Variants in REN observed in about 807,000 individuals in gnomAD.
REN encodes the protein angiotensin-forming enzyme.
In REN, 42 loss-of-function variants were observed where a neutral mutation model predicts 48.6. The observed-to-expected ratio is 0.86, with a 90% CI of 0.68 to 1.12. The LOEUF (loss-of-function observed/expected upper bound fraction) is 1.12. REN is among the 50% of genes most tolerant of loss of function. REN has a pLI of 0.00. For missense variants in REN, 443 were observed against 527.3 expected (o/e 0.84, Z 1.57); for synonymous variants, 196 against 204.6 (o/e 0.96, Z 0.36).
rs755165085 is a variant in REN, at chr1:204,160,608, G to A, written c.444C>T (p.Arg148=). 79 of 1,614,208 alleles carry A rather than the reference G, an allele frequency of 4.9e-5. No individual in the cohort carries two copies. The South Asian group carries it at 6.6e-4, about 13-fold the overall frequency. ...YKHNGTELTL[R]YSTGTVSGFL... ...AGCCACTGACTGTCCCTGTTGAATA[G>A]CGGAGGGTGAGTTCTGTTCCATTGT... Residue 148 remains arginine, a synonymous_variant, in exon 4 of 10, where the codon CGC becomes CGT. Coordinates refer to ENST00000272190, the MANE Select transcript of REN (RefSeq NM_000537.4).
intron 1 of REN, among the ~76,000 whole-genome samples, chr1:204,165,778 G>C (rs1658337252): frequency 6.6e-6 from 1 of 152,102 alleles, no homozygotes; most frequent in East Asian, 1.9e-4. Context: ...TTTTAGTAGA[G>C]ATGGGGTTTC....
intron 1 of REN, among the ~76,000 whole-genome samples, chr1:204,163,934 C>A (rs922599625): frequency 6.6e-6 from 1 of 152,180 alleles, no homozygotes; most frequent in Non-Finnish European, 1.5e-5. Context: ...AACCATGCGA[C>A]CACTGCTCAA....
rs5707 is a variant in REN at position 204,160,543 on chromosome 1, A to C, written c.492+17T>G. On this transcript the variant is annotated intron_variant, in intron 4 of 9. Coordinates refer to ENST00000272190, the MANE Select transcript of REN (RefSeq NM_000537.4). The stretch of plus-strand genomic sequence containing the variant: ...AGAAGGGGTCCGGGGCAGATGACCT[A>C]GGGCGGCCCAACTTACGGTGATGAT... The C allele has an allele frequency of 0.24, 374,241 of 1,564,664 alleles. 46,173 individuals carry two copies. The highest frequency in any genetic ancestry group is 0.42 in the East Asian group (18,613 of 44,630).
chr1:204,155,109 T>C lies in REN; in HGVS notation c.1128A>G (p.Gly376=), dbSNP rs1386717860. 5 of 1,614,152 alleles carry C rather than the reference T, an allele frequency of 3.1e-6. No homozygotes were observed. In the Admixed American group the frequency reaches 8.3e-5, roughly 27 times the overall value. ...AGGTGGCCCCCAGGGCCCAGGTGGG[T>C]CCAGTGGGTGGCGGGATATCCATGG... ...IHAMDIPPPT[G]PTWALGATFI... is the part of the protein sequence containing the mutation. Residue 376 remains glycine, a synonymous_variant, in exon 10 of 10, where the codon GGA becomes GGG. Coordinates refer to ENST00000272190, the MANE Select transcript of REN (RefSeq NM_000537.4).
In REN at chr1:204,156,174, T is replaced by C. The variant is rs1658145475; in HGVS notation, c.960+4A>G. 1.9e-6 allele frequency: 3 copies of C among 1,614,222 alleles called. No individual in the cohort carries two copies. The highest frequency in any genetic ancestry group is 2.5e-6 in the Non-Finnish European group (3 of 1,180,036). ...CACAGCACCTTCCCTCTTTGGCTTC[T>C]TACATCAAACAGCCTCTTCTTGGCT... On this transcript the variant is annotated splice_donor_region_variant and intron_variant, in intron 8 of 9. Coordinates refer to ENST00000272190, the MANE Select transcript of REN (RefSeq NM_000537.4). The surrounding 1 kb of genome is among the most constrained non-coding windows in gnomAD (Gnocchi z 4.2).
At chr1:204,159,363 T>TC (rs746808683) in intron 5 of REN, 36 bp downstream of exon 5, 2 of 1,587,996 alleles carry the variant, frequency 1.3e-6, no homozygotes, top group Non-Finnish European at 1.7e-6. Flanking sequence ...TCCCCTCCTG[T>TC]CCCCCCACCT....
At position 204,154,857 on chromosome 1, in the gene REN, A is replaced by G; in HGVS notation, c.*159T>C. On this transcript the variant is annotated 3_prime_UTR_variant, in exon 10 of 10. Transcript: ENST00000272190. ...TCTTTATTCTCTTTGTCCTCAAAGC[A>G]GGGAAGGGCTGGTGCAGGGGTCAGG... is the stretch of plus-strand genomic sequence containing the variant. 1.3e-6 allele frequency: 1 copy of G among 773,738 alleles called. No individual in the cohort carries two copies. The highest frequency in any genetic ancestry group is 2.7e-5 in the East Asian group (1 of 37,318). The allele number at this position is 773,738 out of a possible 1,614,324, so 47.9% of individuals were successfully genotyped here. A position where few individuals can be genotyped will look rare whatever the true frequency, so the allele number is the denominator to read the frequency against.
intron 3 of REN, among the ~76,000 whole-genome samples, chr1:204,160,960 T>C (rs2102313779): frequency 6.6e-6 from 1 of 152,240 alleles, no homozygotes; most frequent in Admixed American, 6.5e-5. Flanking sequence ...AAGTGCCTAG[T>C]AAGAGGTTGT....
At position 204,164,565 on chromosome 1, in the gene REN, C is replaced by CTTTTTTTTTT. The variant is rs748060874; in HGVS notation, c.98+1621_98+1630dup. Among the ~76,000 whole-genome samples, 28 of 93,690 alleles carry CTTTTTTTTTT rather than the reference C, an allele frequency of 3.0e-4. 3 individuals are homozygous for CTTTTTTTTTT. Among genetic ancestry groups the CTTTTTTTTTT allele is most frequent in the East Asian group, 7.6e-4 (2 of 2,642 alleles). 61.5% of individuals were successfully genotyped at this position (93,690 alleles called of 152,430 possible). A position where few individuals can be genotyped will look rare whatever the true frequency, so the allele number is the denominator to read the frequency against. On this transcript the variant is annotated intron_variant, in intron 1 of 9. Coordinates refer to ENST00000272190, the MANE Select transcript of REN (RefSeq NM_000537.4). ...ATGCTGTCTCTTCCCCTTCTTCAGT[C>CTTTTTTTTTT]TTTTTTTTTTTTTTTTTTTTTTTTA...
In REN at chr1:204,156,732, T is replaced by C; in HGVS notation, c.763A>G (p.Asn255Asp). The part of the protein sequence containing the change: ...GGSDPQHYEG[N>D]FHYINLIKTG... ...TTGATGAGGTTGATATAGTGGAAAT[T>C]CCCTTCGTAATGCTGGGGGTCGCTG... is the stretch of plus-strand genomic sequence containing the variant. The change falls in exon 7 of 10, where the codon AAT (asparagine) becomes GAT (aspartate). Residue 255 changes from asparagine (N) to aspartate (D), a missense_variant. Transcript: ENST00000272190. The surrounding 1 kb of genome is among the most constrained non-coding windows in gnomAD (Gnocchi z 4.2). The C allele has an allele frequency of 1.2e-6, 2 of 1,614,058 alleles. No individual in the cohort carries two copies. Among genetic ancestry groups the C allele is most frequent in the Non-Finnish European group, 1.7e-6 (2 of 1,179,988 alleles).
intron 3 of REN, 142 bp from the exon 4 acceptor site, chr1:204,160,820 T>TAA: frequency 1.3e-6 from 1 of 766,726 alleles, no homozygotes; most frequent in Non-Finnish European, 2.4e-6. Context: ...GAATATGTGC[T>TAA]TCATCAATCA....
intron 9 of REN, 90 bp from the exon 10 acceptor site, chr1:204,155,267 A>T (rs936532838): frequency 3.9e-5 from 57 of 1,465,404 alleles, no homozygotes; most frequent in Admixed American, 6.8e-5. Context: ...CTTCAGCAAC[A>T]TTCCCCCTCT....
Position 204,156,584 on chromosome 1 carries a change from A to G in REN, c.818+93T>C. 3 of 1,546,320 alleles carry G rather than the reference A, an allele frequency of 1.9e-6. No homozygotes were observed. The highest frequency in any genetic ancestry group is 2.7e-6 in the Non-Finnish European group (3 of 1,120,232). ...TTAAGAAGTGGCTGCATTTGGAAAG[A>G]GGGCAGGATGGTAATGCAGTCCTTC... On this transcript the variant is annotated intron_variant, in intron 7 of 9. Transcript: ENST00000272190. The surrounding 1 kb of genome is among the most constrained non-coding windows in gnomAD (Gnocchi z 4.2).
At position 204,155,913 on chromosome 1, in the gene REN, G is replaced by A. The variant is rs769895389; in HGVS notation, c.966C>T (p.Val322=). 4.5e-5 allele frequency: 72 copies of A among 1,612,908 alleles called. No homozygotes were observed. The Admixed American group carries it at 8.0e-4, about 18-fold the overall frequency. Residue 322 remains valine, a synonymous_variant, in exon 9 of 10, where the codon GTC becomes GTT. Coordinates refer to ENST00000272190, the MANE Select transcript of REN (RefSeq NM_000537.4). ...LGAKKRLFDY[V]VKCNEGPTLP... ...GTGTAGGGCCCTCGTTACACTTCACGACATACTGGGGTGGGGGGCAAAGAG... is the reference window on the plus strand; with the variant it reads ...GTGTAGGGCCCTCGTTACACTTCACAACATACTGGGGTGGGGGGCAAAGAG...
rs1297797028 is a variant in REN at position 204,155,829 on chromosome 1, A to G, written c.1050T>C (p.Tyr350=). The G allele has an allele frequency of 2.2e-5, 36 of 1,613,566 alleles. No individual in the cohort carries two copies. Among genetic ancestry groups the G allele is most frequent in the Non-Finnish European group, 3.1e-5 (36 of 1,179,816 alleles). The change falls in exon 9 of 10, where the codon TAT becomes TAC. Residue 350 remains tyrosine (Y), a synonymous_variant. Coordinates refer to ENST00000272190, the MANE Select transcript of REN (RefSeq NM_000537.4). The part of the protein sequence containing the change: ...GKEYTLTSAD[Y]VFQESYSSKK... The stretch of plus-strand genomic sequence containing the variant: ...CCGACTCGAACCTCACCTGAAATAC[A>G]TAGTCCGCGCTGGTGAGCGTGTATT...
chr1:204,160,455 A>G, intron 4 of REN, 105 bp downstream of exon 4: 3 of 802,728 alleles, frequency 3.7e-6, no homozygotes, highest in South Asian at 2.7e-5. Context: ...CCAGGCTCCA[A>G]GTGGGCTGCA....
intron 1 of REN, among the ~76,000 whole-genome samples, chr1:204,165,335 A>G (rs997425256): frequency 6.6e-6 from 1 of 152,016 alleles, no homozygotes; most frequent in African/African-American, 2.4e-5. Context: ...GGCTCTTACA[A>G]CGTGCCCAGC....
rs1571644905 is a variant in REN at position 204,156,552 on chromosome 1, G to A, written c.818+125C>T. ...CAGAGCAGGCAGAGAGCAAATGGTG[G>A]CTGTGCTTAAGAAGTGGCTGCATTT... On this transcript the variant is annotated intron_variant, in intron 7 of 9. Transcript: ENST00000272190. The surrounding 1 kb of genome is among the most constrained non-coding windows in gnomAD (Gnocchi z 4.2). The A allele has an allele frequency of 1.4e-6, 2 of 1,430,592 alleles. No individual in the cohort carries two copies. Among genetic ancestry groups the A allele is most frequent in the South Asian group, 1.2e-5 (1 of 85,702 alleles). The allele number at this position is 1,430,592 out of a possible 1,614,324, so 88.6% of individuals were successfully genotyped here.
At chr1:204,159,944 G>T (rs1330319499) in intron 4 of REN, among the ~76,000 whole-genome samples, 2 of 152,164 alleles carry the variant, frequency 1.3e-5, no homozygotes, top group African/African-American at 2.4e-5. Context: ...ATGGGCGAAG[G>T]GTTTCTTTAG....
Sources: gnomAD v4.1 joint callset for allele counts (sites outside exome capture counted in the v4.1 genomes callset) on GRCh38, gnomAD v4.1.1 for gene constraint, Gnocchi (gnomAD v3.1) non-coding constraint, MANE v1.5 for transcripts, NCBI Gene and HGNC (gene_info 2026-07-23, HGNC 2026-07-21) for gene names.